EPB41L2: variants seen among roughly 807,000 people sequenced by gnomAD.
EPB41L2 encodes band 4.1-like protein 2.
Under a neutral mutation model 113.0 loss-of-function variants are expected in EPB41L2, and 43 were observed. The ratio of observed to expected loss-of-function variants is 0.38; its 90% CI spans 0.30 to 0.49. The LOEUF (loss-of-function observed/expected upper bound fraction) is 0.49, where lower values mean the gene tolerates loss of function less well. Ranked by LOEUF, EPB41L2 falls within the 20% of genes least tolerant of loss-of-function variation. The pLI, the probability that EPB41L2 is intolerant of heterozygous loss-of-function variation, is 0.95. For missense variants in EPB41L2, 1,147 were observed against 1,223.4 expected, an observed-to-expected ratio of 0.94 and a Z score of 0.93; for synonymous variants, 442 against 436.7, an observed-to-expected ratio of 1.01 and a Z score of -0.15.
chr6:130,902,444 C>CT (rs1457947478), intron 6 of EPB41L2, among the ~76,000 whole-genome samples: 1 of 152,198 alleles, frequency 6.6e-6, no homozygotes, highest in African/African-American at 2.4e-5. Context: ...TACTGGAGGG[C>CT]TTGCCACATG....
chr6:130,976,033 C>T (rs1312879844), intron 1 of EPB41L2, among the ~76,000 whole-genome samples: 1 of 151,566 alleles, frequency 6.6e-6, no homozygotes, highest in Non-Finnish European at 1.5e-5. Context: ...GTCTCAAAAA[C>T]AAAACAAAAC....
intron 1 of EPB41L2, among the ~76,000 whole-genome samples, chr6:131,038,708 T>C (rs1793828554): frequency 6.6e-6 from 1 of 152,142 alleles, no homozygotes; most frequent in African/African-American, 2.4e-5. Flanking sequence ...GAAATGGTTT[T>C]TCAAGGCACA....
At chr6:130,843,892 C>A (rs1431989288) in intron 19 of EPB41L2, among the ~76,000 whole-genome samples, 1 of 152,096 alleles carries the variant, frequency 6.6e-6, no homozygotes, top group Non-Finnish European at 1.5e-5. Flanking sequence ...AGTTATTTAC[C>A]CTCTCAGTGC....
At chr6:131,047,386 T>A (rs538915992) in intron 1 of EPB41L2, among the ~76,000 whole-genome samples, 1 of 152,188 alleles carries the variant, frequency 6.6e-6, no homozygotes, top group Non-Finnish European at 1.5e-5. Flanking sequence ...TATAGAACAG[T>A]GTCTGACATA....
At chr6:130,862,538 C>G (rs933064) in intron 18 of EPB41L2, among the ~76,000 whole-genome samples, 1 of 152,084 alleles carries the variant, frequency 6.6e-6, no homozygotes, top group Non-Finnish European at 1.5e-5. Flanking sequence ...ACATAAGTCA[C>G]TCATTTTCCC....
chr6:130,919,243 TATA>T (rs1473056988), intron 4 of EPB41L2, among the ~76,000 whole-genome samples: 2 of 152,200 alleles, frequency 1.3e-5, no homozygotes, highest in East Asian at 3.9e-4. Context: ...AACTACCACG[TATA>T]ATAAGGAATT....
At chr6:130,884,535 G>C (rs1166100372) in intron 12 of EPB41L2, among the ~76,000 whole-genome samples, 3 of 152,166 alleles carry the variant, frequency 2.0e-5, no homozygotes, top group Non-Finnish European at 4.4e-5. Flanking sequence ...AAAGATAACA[G>C]TGACACATTT....
intron 3 of EPB41L2, among the ~76,000 whole-genome samples, chr6:130,944,681 A>T (rs781128121): frequency 1.3e-5 from 2 of 152,218 alleles, no homozygotes; most frequent in Non-Finnish European, 2.9e-5. Flanking sequence ...TGGTAGGGTC[A>T]GAAACTGGAA....
intron 3 of EPB41L2, among the ~76,000 whole-genome samples, chr6:130,950,195 A>C (rs1814396731): frequency 6.6e-6 from 1 of 152,238 alleles, no homozygotes; most frequent in Admixed American, 6.5e-5. Context: ...AGTGTTAAGA[A>C]ATTAGAAAAA....
intron 8 of EPB41L2, 115 bp downstream of exon 8, chr6:130,899,376 T>C (rs1795628682): frequency 5.0e-6 from 4 of 795,824 alleles, no homozygotes; most frequent in South Asian, 3.4e-5. Context: ...AGACCCTCAA[T>C]TGAAAGCAAA....
Position 130,955,234 on chromosome 6 carries a change from C to G in EPB41L2, c.576G>C (p.Arg192Ser). The G allele has an allele frequency of 1.2e-6, 2 of 1,614,110 alleles. No homozygotes were observed. The highest frequency in any genetic ancestry group is 1.7e-6 in the Non-Finnish European group (2 of 1,180,020). The change falls in exon 3 of 20, where the codon AGG (arginine) becomes AGC (serine). Residue 192 changes from arginine to serine, a missense_variant. Transcript: ENST00000337057. ...CATTGGTCTGCACTTCCTTGGTCTC[C>G]CTTTTTGCTGCTCCTCCTTCTAATT... ...EDKLEGGAAKRETKEVQTNEL... is the reference protein window; with the variant it reads ...EDKLEGGAAKSETKEVQTNEL...
At chr6:131,005,521 TG>T (rs1356066421) in intron 1 of EPB41L2, among the ~76,000 whole-genome samples, 9 of 152,136 alleles carry the variant, frequency 5.9e-5, no homozygotes, top group Non-Finnish European at 1.3e-4. Context: ...AGGGGAGTGT[TG>T]GGGGGAGCCA....
chr6:131,057,041 T>C (rs987362142), intron 1 of EPB41L2, among the ~76,000 whole-genome samples: 2 of 151,880 alleles, frequency 1.3e-5, no homozygotes, highest in East Asian at 1.9e-4. Context: ...GAATAAATGA[T>C]GAAAAGTGCA....
chr6:130,974,567 T>A (rs1022342935), intron 1 of EPB41L2, among the ~76,000 whole-genome samples: 1 of 152,018 alleles, frequency 6.6e-6, no homozygotes, highest in African/African-American at 2.4e-5. Flanking sequence ...TAGAGTGAAT[T>A]TAAAAATTAG....
intron 18 of EPB41L2, among the ~76,000 whole-genome samples, chr6:130,863,345 T>G (rs1782737401): frequency 6.6e-6 from 1 of 152,236 alleles, no homozygotes; most frequent in Non-Finnish European, 1.5e-5. Context: ...ATTTGATCAC[T>G]TGCCTTTAAA....
At position 131,006,649 on chromosome 6, in the gene EPB41L2, C is replaced by T. The variant is rs575681401; in HGVS notation, c.-14-50150G>A. On this transcript the variant is annotated intron_variant, in intron 1 of 19. Transcript: ENST00000337057. ...CGCACCACTGAACCCGACTGGGTGA[C>T]GGACTGAGACTCTATCTCAAAAAAA... 3.7e-4 allele frequency among the ~76,000 whole-genome samples: 54 copies of T among 144,598 alleles called. 1 individual carries two copies. The highest frequency in any genetic ancestry group is 2.9e-3 in the Admixed American group (43 of 14,580). 94.9% of individuals were successfully genotyped at this position (144,598 alleles called of 152,430 possible).
intron 4 of EPB41L2, among the ~76,000 whole-genome samples, chr6:130,917,358 A>G (rs1801440916): frequency 1.3e-5 from 2 of 152,076 alleles, no homozygotes; most frequent in Admixed American, 6.5e-5. Context: ...ACACCATCCA[A>G]CTTTAGCAAG....
chr6:130,967,481 A>G (rs1775578131), intron 1 of EPB41L2, among the ~76,000 whole-genome samples: 1 of 152,176 alleles, frequency 6.6e-6, no homozygotes, highest in Non-Finnish European at 1.5e-5. Context: ...GCGTAAAAAG[A>G]TTATTCGTAT....
chr6:131,018,958 A>C (rs2128735827), intron 1 of EPB41L2, among the ~76,000 whole-genome samples: 1 of 152,292 alleles, frequency 6.6e-6, no homozygotes. Context: ...TAGGGACAAA[A>C]TCTTCCCAAC....
Sources: gnomAD v4.1 joint callset for allele counts (sites outside exome capture counted in the v4.1 genomes callset) on GRCh38, gnomAD v4.1.1 for gene constraint, MANE v1.5 for transcripts, NCBI Gene and HGNC (gene_info 2026-07-23, HGNC 2026-07-21) for gene names.